Variants in PSMG2 observed in about 807,000 individuals in gnomAD.
The protein encoded by PSMG2 is proteasome assembly chaperone 2.
PSMG2 carries 21 observed loss-of-function variants against 31.5 expected under a neutral mutation model. The observed-to-expected ratio is 0.67, with a 90% CI of 0.47 to 0.96. The LOEUF (loss-of-function observed/expected upper bound fraction) is 0.96, where lower values mean the gene tolerates loss of function less well. Among genes scored for constraint, PSMG2 ranks in the 40% least tolerant of loss-of-function variants. PSMG2 has a pLI of 0.00. For missense variants in PSMG2, 318 were observed against 321.2 expected (o/e 0.99, Z 0.08); for synonymous variants, 120 against 110.4 (o/e 1.09, Z -0.54).
intron 1 of PSMG2, among the ~76,000 whole-genome samples, chr18:12,692,861 C>T (rs919348319): frequency 4.6e-5 from 7 of 152,276 alleles, no homozygotes; most frequent in African/African-American, 1.7e-4. Context: ...CTTGCTCTGT[C>T]ACCCAGTCTG....
intron 3 of PSMG2, among the ~76,000 whole-genome samples, chr18:12,718,193 G>A (rs1333516234): frequency 6.6e-6 from 1 of 151,676 alleles, no homozygotes; most frequent in Non-Finnish European, 1.5e-5. Flanking sequence ...ATTTTTAGTA[G>A]AGATGGGGTT....
At chr18:12,717,778 AGGAACCGGG>A (rs1022985663) in intron 3 of PSMG2, among the ~76,000 whole-genome samples, 12 of 152,046 alleles carry the variant, frequency 7.9e-5, no homozygotes, top group African/African-American at 2.9e-4. Flanking sequence ...GACTCCTTTG[AGGAACCGGG>A]GCTGGATGTG....
At chr18:12,678,814 G>A (rs780274769) in intron 1 of PSMG2, among the ~76,000 whole-genome samples, 2 of 151,992 alleles carry the variant, frequency 1.3e-5, no homozygotes, top group Non-Finnish European at 2.9e-5. Context: ...AAATTAGCTG[G>A]GCATGGGAGC....
chr18:12,676,279 CTTT>C (rs1157897766), intron 1 of PSMG2, among the ~76,000 whole-genome samples: 6 of 106,408 alleles, frequency 5.6e-5, no homozygotes, highest in Admixed American at 1.1e-4. Context: ...ACAGTAATTC[CTTT>C]TTTTTTTTTT....
At chr18:12,679,547 T>C (rs1215410467) in intron 1 of PSMG2, among the ~76,000 whole-genome samples, 3 of 152,142 alleles carry the variant, frequency 2.0e-5, no homozygotes. Context: ...AGCCTAATTT[T>C]TCGTGGCCAT....
At chr18:12,713,261 T>C (rs1191080290) in intron 3 of PSMG2, among the ~76,000 whole-genome samples, 2 of 152,268 alleles carry the variant, frequency 1.3e-5, no homozygotes, top group East Asian at 1.9e-4. Context: ...CTACTCTCTT[T>C]GAAACCCTCC....
At chr18:12,686,683 C>T in intron 1 of PSMG2, 1 of 350,702 alleles carries the variant, frequency 2.9e-6, no homozygotes, top group Non-Finnish European at 5.3e-6. Context: ...TGCAACAGAG[C>T]CAGGTTCAAG....
At chr18:12,702,385 A>C, upstream of PSMG2, 1 of 870,316 alleles carries the variant, frequency 1.1e-6, no homozygotes, top group African/African-American at 1.7e-5. Flanking sequence ...TCCTCGCTAC[A>C]GTCCCGGCAA....
intron 2 of PSMG2, among the ~76,000 whole-genome samples, chr18:12,711,295 G>A (rs1248767377): frequency 6.6e-6 from 1 of 151,954 alleles, no homozygotes; most frequent in African/African-American, 2.4e-5. Context: ...TGTATGATAC[G>A]CTGATGAGGA....
chr18:12,694,862 C>A (rs751128607), intron 1 of PSMG2, among the ~76,000 whole-genome samples: 1 of 152,040 alleles, frequency 6.6e-6, no homozygotes. Context: ...AGGTGCCTGC[C>A]ACCACGCCCG....
chr18:12,708,296 A>G (rs1282428874), intron 2 of PSMG2, among the ~76,000 whole-genome samples: 1 of 151,922 alleles, frequency 6.6e-6, no homozygotes, highest in African/African-American at 2.4e-5. Flanking sequence ...AGCCCCTAGA[A>G]TTTGTATACT....
chr18:12,724,871 A>T (rs532933815), intron 6 of PSMG2: 5 of 412,582 alleles, frequency 1.2e-5, no homozygotes, highest in Non-Finnish European at 2.1e-5. Flanking sequence ...CTTACTATTC[A>T]TGTTAGATTA....
At chr18:12,714,778 T>C (rs1036226489) in intron 3 of PSMG2, among the ~76,000 whole-genome samples, 1 of 152,110 alleles carries the variant, frequency 6.6e-6, no homozygotes, top group Non-Finnish European at 1.5e-5. Flanking sequence ...TGATCTCAGC[T>C]CACTGCAACC....
chr18:12,711,971 A>G (rs2040337064), intron 2 of PSMG2, among the ~76,000 whole-genome samples: 1 of 151,848 alleles, frequency 6.6e-6, no homozygotes, highest in African/African-American at 2.4e-5. Flanking sequence ...GTTAGCTAGG[A>G]TGATCTTGAT....
chr18:12,660,752 GGGCTT>G (rs1311028459), intron 1 of PSMG2, among the ~76,000 whole-genome samples: 1 of 151,968 alleles, frequency 6.6e-6, no homozygotes, highest in Non-Finnish European at 1.5e-5. Context: ...TCCAACAGAA[GGGCTT>G]TTTTTTTTAT....
In PSMG2 at chr18:12,720,608, T is replaced by C. The variant is rs2040421765; in HGVS notation, c.506T>C (p.Ile169Thr). 5 of 1,613,924 alleles carry C rather than the reference T, an allele frequency of 3.1e-6. No individual in the cohort carries two copies. The highest frequency in any genetic ancestry group is 1.1e-5 in the South Asian group (1 of 91,046). The part of the protein sequence containing the change: ...NWEEMEKSRC[I>T]PEIDDSEFCI... ...GAAGAAATGGAAAAAAGCCGGTGCATTCCTGAAATAGATGATTCCGAGTTT... is the reference window on the plus strand; with the variant it reads ...GAAGAAATGGAAAAAAGCCGGTGCACTCCTGAAATAGATGATTCCGAGTTT... The change falls in exon 5 of 7, where the codon ATT (isoleucine) becomes ACT (threonine). Residue 169 changes from isoleucine (I) to threonine (T), a missense_variant. Transcript: ENST00000317615.
At chr18:12,691,604 ATCT>A in intron 1 of PSMG2, 1 of 687,032 alleles carries the variant, frequency 1.5e-6, no homozygotes, top group Non-Finnish European at 2.3e-6. Context: ...AGTCATCATC[ATCT>A]TCTATAAGAG....
chr18:12,671,194 G>T (rs2847271), intron 1 of PSMG2: 120,917 of 151,568 alleles, frequency 0.8, 48,682 homozygotes, highest in Non-Finnish European at 0.83. Context: ...TCCTCTGGCC[G>T]CAGCCTCCAA....
rs887971635 is a variant in PSMG2 at position 12,718,762 on chromosome 18, G to A, written c.407+127G>A. On this transcript the variant is annotated intron_variant, in intron 4 of 6. Transcript: ENST00000317615. ...TTCTTACTGGAGTTTAGAAAGAGGG[G>A]GGTAAGAGAAGGTCAGGAGATGGGA... The A allele has an allele frequency of 5.8e-5, 35 of 603,820 alleles. No homozygotes were observed. In the Middle Eastern group the frequency reaches 3.0e-3, roughly 53 times the overall value. 37.4% of individuals were successfully genotyped at this position (603,820 alleles called of 1,614,324 possible).
Sources: gnomAD v4.1 joint callset for allele counts (sites outside exome capture counted in the v4.1 genomes callset) on GRCh38, gnomAD v4.1.1 for gene constraint, MANE v1.5 for transcripts, NCBI Gene and HGNC (gene_info 2026-07-23, HGNC 2026-07-21) for gene names.